Variants in DLG1 observed in about 807,000 individuals in gnomAD.
DLG1 encodes the protein discs large MAGUK scaffold protein 1, also known as disks large homolog 1.
A neutral mutation model predicts 123.4 loss-of-function variants in DLG1; 42 were observed. The observed-to-expected ratio is 0.34, with a 90% confidence interval of 0.27 to 0.44. The LOEUF (loss-of-function observed/expected upper bound fraction) is 0.44, where lower values mean the gene tolerates loss of function less well. DLG1 is among the 20% of genes least tolerant of loss of function. The probability of loss-of-function intolerance (pLI) is 1.00; values close to 1 mark genes in which losing one functional copy is unlikely to be tolerated. For missense variants in DLG1, 942 were observed against 1,082.6 expected (o/e 0.87, Z 1.82); for synonymous variants, 317 against 356.2 (o/e 0.89, Z 1.24).
At chr3:197,218,434 A>G (rs908699857) in intron 4 of DLG1, among the ~76,000 whole-genome samples, 1 of 152,204 alleles carries the variant, frequency 6.6e-6, no homozygotes, top group Non-Finnish European at 1.5e-5. Flanking sequence ...CAAGTGCCAA[A>G]GACAGCTTAA....
chr3:197,282,028 T>C (rs936317654), intron 4 of DLG1, among the ~76,000 whole-genome samples: 3 of 152,202 alleles, frequency 2.0e-5, no homozygotes, highest in Non-Finnish European at 2.9e-5. Flanking sequence ...TTCAGACAAA[T>C]AACCACTTTC....
intron 23 of DLG1, among the ~76,000 whole-genome samples, chr3:197,052,666 A>C (rs376655585): frequency 6.6e-6 from 1 of 152,184 alleles, no homozygotes; most frequent in Non-Finnish European, 1.5e-5. Context: ...TCTACCTATC[A>C]GTTTACAGAA....
At position 197,099,501 on chromosome 3, in the gene DLG1, A is replaced by G. The variant is rs1327231913; in HGVS notation, c.1546+5402T>C. On this transcript the variant is annotated intron_variant, in intron 14 of 24. Coordinates refer to ENST00000667157, the MANE Select transcript of DLG1 (RefSeq NM_001366207.1). ...AACATCTCAAAAATTCCTGTATCAA[A>G]CCATATTTCTTGTCATGAAACGTAT... 2.0e-5 allele frequency among the ~76,000 whole-genome samples: 3 copies of G among 152,200 alleles called. No homozygotes were observed. The East Asian group carries it at 5.8e-4, about 29-fold the overall frequency.
intron 21 of DLG1, 106 bp from the exon 22 acceptor site, chr3:197,065,554 T>C: frequency 9.0e-7 from 1 of 1,106,160 alleles, no homozygotes; most frequent in African/African-American, 1.6e-5. Context: ...AACAGATTAA[T>C]TTAAATCTGA....
intron 4 of DLG1, among the ~76,000 whole-genome samples, chr3:197,200,077 A>C (rs1184710746): frequency 6.6e-6 from 1 of 152,164 alleles, no homozygotes; most frequent in Non-Finnish European, 1.5e-5. Flanking sequence ...ATGTGACTAA[A>C]TTACTACTTC....
At chr3:197,086,244 TAG>T (rs990783667) in intron 15 of DLG1, among the ~76,000 whole-genome samples, 4 of 152,330 alleles carry the variant, frequency 2.6e-5, no homozygotes, top group East Asian at 3.9e-4. Context: ...CTAGAGTTGA[TAG>T]AGTTTTCAGA....
At chr3:197,099,266 A>G (rs1252117393) in intron 14 of DLG1, among the ~76,000 whole-genome samples, 1 of 152,184 alleles carries the variant, frequency 6.6e-6, no homozygotes, top group African/African-American at 2.4e-5. Flanking sequence ...AGGGTGTCCT[A>G]TGTTACCCAG....
intron 4 of DLG1, among the ~76,000 whole-genome samples, chr3:197,261,617 C>T (rs749816094): frequency 6.6e-6 from 1 of 152,144 alleles, no homozygotes; most frequent in Non-Finnish European, 1.5e-5. Flanking sequence ...ATTCCTCCTC[C>T]TAACATTTCA....
intron 4 of DLG1, among the ~76,000 whole-genome samples, chr3:197,207,691 T>C (rs1031264425): frequency 6.6e-6 from 1 of 152,080 alleles, no homozygotes; most frequent in Admixed American, 6.6e-5. Flanking sequence ...GAAACAAAGA[T>C]GAAAATCGGC....
At chr3:197,248,016 G>A (rs1272937955) in intron 4 of DLG1, among the ~76,000 whole-genome samples, 1 of 152,046 alleles carries the variant, frequency 6.6e-6, no homozygotes, top group Non-Finnish European at 1.5e-5. Flanking sequence ...TTTATAGGAG[G>A]GCCGCCATCA....
chr3:197,084,313 GTTGT>G (rs1227368177), intron 16 of DLG1, among the ~76,000 whole-genome samples: 2 of 123,712 alleles, frequency 1.6e-5, no homozygotes, highest in African/African-American at 2.8e-5. Context: ...ATCACTTTTT[GTTGT>G]TTTTTTTTTT....
chr3:197,121,781 T>C (rs1776491618), intron 11 of DLG1, among the ~76,000 whole-genome samples: 1 of 141,006 alleles, frequency 7.1e-6, no homozygotes, highest in African/African-American at 2.6e-5. Flanking sequence ...CAAGGCTGCC[T>C]CTGTGAGAAA....
intron 5 of DLG1, among the ~76,000 whole-genome samples, chr3:197,170,721 T>C (rs919116200): frequency 2.0e-5 from 3 of 152,254 alleles, no homozygotes. Flanking sequence ...TCCTTTGCTG[T>C]GCAGAAGCTC....
intron 11 of DLG1, among the ~76,000 whole-genome samples, chr3:197,127,438 AAAAAAAAAAAAAAAAAAAAATATATAT>A (rs1287068394): frequency 4.5e-5 from 2 of 44,518 alleles, no homozygotes; most frequent in East Asian, 9.0e-4. Context: ...AAAAAAAAAA[AAAAAAAAAAAAAAAAAAAAATATATAT>A]ATATATATAT....
At chr3:197,279,766 C>G (rs973533994) in intron 4 of DLG1, among the ~76,000 whole-genome samples, 1 of 152,182 alleles carries the variant, frequency 6.6e-6, no homozygotes, top group African/African-American at 2.4e-5. Flanking sequence ...CAATGCACTA[C>G]TGATCTTCCT....
intron 4 of DLG1, among the ~76,000 whole-genome samples, chr3:197,225,296 T>C (rs981328015): frequency 2.6e-5 from 4 of 152,238 alleles, no homozygotes; most frequent in Admixed American, 2.0e-4. Context: ...AATAACCATC[T>C]TTAAGGCAAA....
At chr3:197,148,959 TG>T (rs1792516693) in intron 6 of DLG1, among the ~76,000 whole-genome samples, 1 of 152,236 alleles carries the variant, frequency 6.6e-6, no homozygotes, top group African/African-American at 2.4e-5. Flanking sequence ...TTTGCTCTTT[TG>T]ATAACATAAT....
intron 5 of DLG1, among the ~76,000 whole-genome samples, chr3:197,159,587 A>T (rs190442401): frequency 6.6e-6 from 1 of 152,192 alleles, no homozygotes; most frequent in East Asian, 1.9e-4. Flanking sequence ...TATTCACTTA[A>T]TATGTTGAAA....
intron 6 of DLG1, among the ~76,000 whole-genome samples, chr3:197,143,910 G>C (rs1024253214): frequency 1.3e-5 from 2 of 152,278 alleles, no homozygotes; most frequent in African/African-American, 4.8e-5. Context: ...TCTCCTGAAA[G>C]AAGTTAACTC....
Sources: allele counts gnomAD v4.1 joint callset (sites outside exome capture counted in the v4.1 genomes callset), GRCh38; gene constraint gnomAD v4.1.1; transcripts MANE v1.5; gene names NCBI Gene and HGNC (gene_info 2026-07-23, HGNC 2026-07-21).